PPARGC1A: variants seen among roughly 807,000 people sequenced by gnomAD.
The protein encoded by PPARGC1A is peroxisome proliferator-activated receptor gamma coactivator 1-alpha.
A neutral mutation model predicts 88.7 loss-of-function variants in PPARGC1A; 25 were observed. That is an observed-to-expected ratio of 0.28 (90% CI 0.21 to 0.39). PPARGC1A has a LOEUF of 0.39. Among genes scored for constraint, PPARGC1A ranks in the 10% least tolerant of loss-of-function variants. PPARGC1A has a pLI of 1.00. For missense variants in PPARGC1A, 880 were observed against 968.7 expected, an observed-to-expected ratio of 0.91 and a Z score of 1.22; for synonymous variants, 363 against 355.6, an observed-to-expected ratio of 1.02 and a Z score of -0.24.
the PPARGC1A span, among the ~76,000 whole-genome samples, chr4:24,352,917 G>A: frequency 6.6e-6 from 1 of 152,144 alleles, no homozygotes; most frequent in Admixed American, 6.5e-5. Context: ...AATCCTGTCT[G>A]GAGTTCCCTA....
At chr4:23,828,365 C>T in intron 5 of PPARGC1A, 35 bp downstream of exon 5, 1 of 1,573,160 alleles carries the variant, frequency 6.4e-7, no homozygotes, top group Non-Finnish European at 8.7e-7. Flanking sequence ...GCTTCCAGTG[C>T]CCTCACCAAC....
At chr4:24,357,054 T>C in the PPARGC1A span, among the ~76,000 whole-genome samples, 7 of 152,282 alleles carry the variant, frequency 4.6e-5, no homozygotes, top group African/African-American at 1.4e-4. Context: ...TAGAGCTTCT[T>C]CTCTTGTATG....
chr4:24,327,938 C>T, the PPARGC1A span, among the ~76,000 whole-genome samples: 20 of 152,296 alleles, frequency 1.3e-4, no homozygotes, highest in African/African-American at 4.6e-4. Flanking sequence ...CCCTGCCCCA[C>T]CTTAACTGAG....
chr4:24,062,871 T>G, the PPARGC1A span, among the ~76,000 whole-genome samples: 6 of 152,238 alleles, frequency 3.9e-5, no homozygotes, highest in Non-Finnish European at 8.8e-5. Context: ...CTTGTATTTT[T>G]TCCTAGGCAT....
the PPARGC1A span, among the ~76,000 whole-genome samples, chr4:23,988,696 TTAACCA>T: frequency 1.8e-4 from 28 of 151,706 alleles, no homozygotes; most frequent in African/African-American, 6.8e-4. Context: ...ATAAAAAGTT[TTAACCA>T]TAAAAATAAT....
chr4:23,821,936 G>A (rs2109568856), intron 7 of PPARGC1A, among the ~76,000 whole-genome samples: 1 of 152,084 alleles, frequency 6.6e-6, no homozygotes, highest in African/African-American at 2.4e-5. Context: ...TTTAATTGAA[G>A]CTTTGCTGCT....
the PPARGC1A span, among the ~76,000 whole-genome samples, chr4:24,089,572 G>A: frequency 1.4e-5 from 2 of 146,472 alleles, no homozygotes; most frequent in Non-Finnish European, 3.0e-5. Context: ...GTGCAGTGGC[G>A]CGATCTCGGC....
intron 10 of PPARGC1A, among the ~76,000 whole-genome samples, chr4:23,803,704 G>A (rs1254506610): frequency 1.3e-5 from 2 of 152,126 alleles, no homozygotes; most frequent in Non-Finnish European, 2.9e-5. Flanking sequence ...GTATACTAAG[G>A]ACAAACAATG....
the PPARGC1A span, among the ~76,000 whole-genome samples, chr4:24,337,545 C>G: frequency 6.6e-6 from 1 of 152,210 alleles, no homozygotes; most frequent in East Asian, 1.9e-4. Context: ...CCGAGAGGAG[C>G]CCCTACTGAG....
the PPARGC1A span, among the ~76,000 whole-genome samples, chr4:23,982,309 G>A: frequency 1.6e-3 from 247 of 152,274 alleles, no homozygotes; most frequent in African/African-American, 5.4e-3. Flanking sequence ...CAGGTACTCA[G>A]CCATCCTTAA....
chr4:23,819,602 A>G (rs548945442), intron 7 of PPARGC1A, among the ~76,000 whole-genome samples: 3 of 152,276 alleles, frequency 2.0e-5, no homozygotes, highest in Non-Finnish European at 4.4e-5. Context: ...TTCCTTTGCT[A>G]TCCTTGGCTT....
At chr4:24,263,525 T>G in the PPARGC1A span, among the ~76,000 whole-genome samples, 2 of 151,804 alleles carry the variant, frequency 1.3e-5, no homozygotes, top group African/African-American at 4.8e-5. Flanking sequence ...ACTGCATGGA[T>G]CCACTTATAC....
At chr4:24,194,098 C>T in the PPARGC1A span, among the ~76,000 whole-genome samples, 11 of 141,246 alleles carry the variant, frequency 7.8e-5, no homozygotes, top group Non-Finnish European at 3.0e-5. Context: ...CATTGCACTC[C>T]AGCCTGGGCG....
At chr4:24,237,961 C>A in the PPARGC1A span, among the ~76,000 whole-genome samples, 1 of 152,204 alleles carries the variant, frequency 6.6e-6, no homozygotes, top group East Asian at 1.9e-4. Context: ...CTCCCATAAT[C>A]CTCAAGATGT....
chr4:24,424,927 G>A, the PPARGC1A span, among the ~76,000 whole-genome samples: 1 of 152,062 alleles, frequency 6.6e-6, no homozygotes, highest in Non-Finnish European at 1.5e-5. Context: ...AAACTACAGG[G>A]GTTCCACTTA....
At chr4:24,031,659 A>C in the PPARGC1A span, among the ~76,000 whole-genome samples, 1 of 152,166 alleles carries the variant, frequency 6.6e-6, no homozygotes, top group South Asian at 2.1e-4. Context: ...GTTTAACATC[A>C]TCCCTGGACT....
At chr4:24,046,620 T>C in the PPARGC1A span, among the ~76,000 whole-genome samples, 1 of 152,196 alleles carries the variant, frequency 6.6e-6, no homozygotes, top group East Asian at 1.9e-4. Context: ...TAGTATGTCC[T>C]GTGTGGCATG....
the PPARGC1A span, among the ~76,000 whole-genome samples, chr4:24,412,160 C>T: frequency 6.6e-6 from 1 of 152,182 alleles, no homozygotes; most frequent in African/African-American, 2.4e-5. Flanking sequence ...TGTTGCTCTA[C>T]ATCCTTGCCA....
At chr4:24,050,721 G>T in the PPARGC1A span, among the ~76,000 whole-genome samples, 2 of 152,090 alleles carry the variant, frequency 1.3e-5, no homozygotes, top group Non-Finnish European at 2.9e-5. Flanking sequence ...TTTTGTTGTG[G>T]TTGTTCTTCA....
Sources: allele counts gnomAD v4.1 joint callset (sites outside exome capture counted in the v4.1 genomes callset), GRCh38; gene constraint gnomAD v4.1.1; transcripts MANE v1.5; gene names NCBI Gene and HGNC (gene_info 2026-07-23, HGNC 2026-07-21).